DIS3L2: variants seen among roughly 807,000 people sequenced by gnomAD.
The protein encoded by DIS3L2 is DIS3-like exonuclease 2.
DIS3L2 carries 34 observed loss-of-function variants against 97.5 expected under a neutral mutation model. The observed-to-expected ratio is 0.35, with a 90% confidence interval of 0.27 to 0.46. DIS3L2 has a LOEUF of 0.46. Ranked by LOEUF, DIS3L2 falls within the 20% of genes least tolerant of loss-of-function variation. The probability of loss-of-function intolerance (pLI) is 1.00; values close to 1 mark genes in which losing one functional copy is unlikely to be tolerated. For missense variants in DIS3L2, 1,038 were observed against 1,146.0 expected (o/e 0.91, Z 1.36); for synonymous variants, 435 against 445.2 (o/e 0.98, Z 0.29).
intron 5 of DIS3L2, among the ~76,000 whole-genome samples, chr2:232,080,900 CAAAAAAA>C (rs34838591): frequency 8.6e-6 from 1 of 116,304 alleles, no homozygotes; most frequent in East Asian, 2.6e-4. Context: ...AGCTCTGTCT[CAAAAAAA>C]AAAAAAAAAA....
intron 1 of DIS3L2, among the ~76,000 whole-genome samples, chr2:231,997,629 G>T (rs1176378468): frequency 6.6e-6 from 1 of 152,154 alleles, no homozygotes; most frequent in Admixed American, 6.5e-5. Context: ...AGTAAAACAG[G>T]TATGATTCTA....
intron 20 of DIS3L2, 49 bp from the exon 21 acceptor site, chr2:232,336,420 G>T: frequency 6.3e-7 from 1 of 1,578,880 alleles, no homozygotes; most frequent in South Asian, 1.2e-5. Flanking sequence ...GCTGCGCCTC[G>T]ACATCAGGCC....
intron 14 of DIS3L2, among the ~76,000 whole-genome samples, chr2:232,316,578 G>A (rs1180538378): frequency 2.6e-5 from 4 of 152,158 alleles, no homozygotes; most frequent in African/African-American, 9.7e-5. Context: ...TCTGTTCAAT[G>A]GGAGGAAAGG....
chr2:232,057,065 A>ATACT (rs1695565663), intron 5 of DIS3L2, among the ~76,000 whole-genome samples: 1 of 152,234 alleles, frequency 6.6e-6, no homozygotes, highest in South Asian at 2.1e-4. Flanking sequence ...ATACAATAGA[A>ATACT]TACTGTACAG....
intron 1 of DIS3L2, among the ~76,000 whole-genome samples, chr2:231,993,634 A>G (rs1245284021): frequency 1.3e-5 from 2 of 152,162 alleles, no homozygotes; most frequent in Non-Finnish European, 2.9e-5. Flanking sequence ...TCCTAAAATG[A>G]TATATTGTAG....
intron 5 of DIS3L2, among the ~76,000 whole-genome samples, chr2:232,068,677 A>G (rs1378014404): frequency 6.6e-6 from 1 of 152,010 alleles, no homozygotes; most frequent in Non-Finnish European, 1.5e-5. Context: ...TCTTAATACT[A>G]AATTGATCCT....
chr2:232,038,032 C>A (rs888906828), intron 5 of DIS3L2, among the ~76,000 whole-genome samples: 1 of 152,206 alleles, frequency 6.6e-6, no homozygotes, highest in African/African-American at 2.4e-5. Context: ...AGTGAACTTT[C>A]CTAGTTCAGA....
intron 9 of DIS3L2, among the ~76,000 whole-genome samples, chr2:232,179,826 T>G (rs1691215673): frequency 3.7e-5 from 4 of 107,132 alleles, no homozygotes; most frequent in Admixed American, 9.8e-5. Context: ...TCTGCTCTGA[T>G]TTTAGTTATT....
At chr2:231,997,456 T>C (rs1313921309) in intron 1 of DIS3L2, among the ~76,000 whole-genome samples, 2 of 152,268 alleles carry the variant, frequency 1.3e-5, no homozygotes, top group Non-Finnish European at 2.9e-5. Flanking sequence ...TAAATCTGTT[T>C]TGGCTCATAT....
chr2:232,242,497 C>A (rs1693127888), intron 11 of DIS3L2, among the ~76,000 whole-genome samples: 1 of 152,186 alleles, frequency 6.6e-6, no homozygotes, highest in Non-Finnish European at 1.5e-5. Context: ...CTTCCTGCTC[C>A]TCCTTGCCTG....
At chr2:232,148,448 G>T (rs953081319) in intron 8 of DIS3L2, among the ~76,000 whole-genome samples, 2 of 152,100 alleles carry the variant, frequency 1.3e-5, no homozygotes, top group Non-Finnish European at 2.9e-5. Flanking sequence ...TCCAGTCTAT[G>T]CTGCTGTAAA....
chr2:232,124,019 G>T (rs1697983301), intron 6 of DIS3L2, among the ~76,000 whole-genome samples: 1 of 152,160 alleles, frequency 6.6e-6, no homozygotes, highest in South Asian at 2.1e-4. Context: ...CTAGGCCTCA[G>T]ATTATTCAGT....
intron 10 of DIS3L2, among the ~76,000 whole-genome samples, chr2:232,213,673 T>TTTTTG (rs1481797313): frequency 6.6e-6 from 1 of 150,838 alleles, no homozygotes; most frequent in Admixed American, 6.6e-5. Flanking sequence ...TTTTTTTTTT[T>TTTTTG]TTTTTTTTTT....
At chr2:232,068,445 C>T (rs1399122437) in intron 5 of DIS3L2, among the ~76,000 whole-genome samples, 1 of 150,138 alleles carries the variant, frequency 6.7e-6, no homozygotes, top group Non-Finnish European at 1.5e-5. Context: ...GTTAGCTGGG[C>T]GTGATGGCAT....
rs373462741 is a variant in DIS3L2 at position 232,090,892 on chromosome 2, AAG to A, written c.601+3176_601+3177del. On this transcript the variant is annotated intron_variant, in intron 6 of 20. Coordinates refer to ENST00000325385, the MANE Select transcript of DIS3L2 (RefSeq NM_152383.5). ...TGTGATAACTACCAGTTTCTCTGGT[AAG>A]AGAGCACATTGCTCCCGTTGTCTGT... 2.8e-3 allele frequency among the ~76,000 whole-genome samples: 427 copies of A among 152,388 alleles called. 1 individual carries two copies. The highest frequency in any genetic ancestry group is 4.7e-3 in the Non-Finnish European group (317 of 68,044).
At chr2:231,966,819 C>G (rs1448736713) in intron 1 of DIS3L2, among the ~76,000 whole-genome samples, 1 of 151,656 alleles carries the variant, frequency 6.6e-6, no homozygotes, top group Non-Finnish European at 1.5e-5. Flanking sequence ...CTTTATTAAA[C>G]TGAGAGTGGT....
Position 232,336,689 on chromosome 2 carries a change from G to A in DIS3L2, c.*59G>A. 1 of 1,563,944 alleles carries A rather than the reference G, an allele frequency of 6.4e-7. No homozygotes were observed. Among genetic ancestry groups the A allele is most frequent in the Non-Finnish European group, 8.6e-7 (1 of 1,161,894 alleles). The stretch of plus-strand genomic sequence containing the variant: ...TGCCTGTCCCGCCACACTGGCTTTA[G>A]GACCTGTTGACACGGAGGGGGGTTT... On this transcript the variant is annotated 3_prime_UTR_variant, in exon 21 of 21. Transcript: ENST00000325385.
intron 6 of DIS3L2, among the ~76,000 whole-genome samples, chr2:232,098,907 A>G (rs759204733): frequency 9.9e-5 from 15 of 152,136 alleles, no homozygotes; most frequent in Non-Finnish European, 1.9e-4. Context: ...GTTGTCATAC[A>G]CTTTATGGGT....
chr2:232,248,916 AT>A, intron 11 of DIS3L2, among the ~76,000 whole-genome samples: 1 of 152,384 alleles, frequency 6.6e-6, no homozygotes, highest in African/African-American at 2.4e-5. Context: ...GAGTGCTTAT[AT>A]CCAAAAGCAC....
Sources: allele counts gnomAD v4.1 joint callset (sites outside exome capture counted in the v4.1 genomes callset), GRCh38; gene constraint gnomAD v4.1.1; transcripts MANE v1.5; gene names NCBI Gene and HGNC (gene_info 2026-07-23, HGNC 2026-07-21).